Variants in TLN2 observed in about 807,000 individuals in gnomAD.
TLN2 encodes talin 2.
TLN2 carries 118 observed loss-of-function variants against 294.7 expected under a neutral mutation model. The ratio of observed to expected loss-of-function variants is 0.40; its 90% confidence interval spans 0.34 to 0.47. The LOEUF (loss-of-function observed/expected upper bound fraction) is 0.47, where lower values mean the gene tolerates loss of function less well. Among genes scored for constraint, TLN2 ranks in the 20% least tolerant of loss-of-function variants. The pLI is 0.84. For missense variants in TLN2, 3,083 were observed against 3,282.2 expected (o/e 0.94, Z 1.48); for synonymous variants, 1,431 against 1,304.5 (o/e 1.10, Z -2.09).
At chr15:62,714,131 C>T (rs187967046) in intron 22 of TLN2, among the ~76,000 whole-genome samples, 1 of 149,618 alleles carries the variant, frequency 6.7e-6, no homozygotes, top group East Asian at 2.0e-4. Context: ...AAAATTAAAA[C>T]TCATAAAAGA....
chr15:62,539,043 T>A (rs1237507886), intron 1 of TLN2, among the ~76,000 whole-genome samples: 1 of 152,104 alleles, frequency 6.6e-6, no homozygotes, highest in Non-Finnish European at 1.5e-5. Context: ...AGAATACCCA[T>A]GGAGTCTAAA....
chr15:62,575,485 C>T (rs1310661451), intron 1 of TLN2, among the ~76,000 whole-genome samples: 1 of 152,190 alleles, frequency 6.6e-6, no homozygotes, highest in Non-Finnish European at 1.5e-5. Context: ...TGTTTACTCT[C>T]AATTTCTGTA....
At chr15:62,721,303 A>G (rs1173317198) in intron 25 of TLN2, among the ~76,000 whole-genome samples, 1 of 152,332 alleles carries the variant, frequency 6.6e-6, no homozygotes, top group African/African-American at 2.4e-5. Flanking sequence ...GCTTTTAAAT[A>G]TATCTTTTAT....
At chr15:62,620,987 C>T (rs1197219778) in intron 3 of TLN2, among the ~76,000 whole-genome samples, 6 of 151,664 alleles carry the variant, frequency 4.0e-5, no homozygotes, top group East Asian at 3.9e-4. Flanking sequence ...TGCAGGCGCC[C>T]GCCACCACGC....
intron 1 of TLN2, among the ~76,000 whole-genome samples, chr15:62,393,557 A>G (rs535426471): frequency 6.6e-6 from 1 of 152,300 alleles, no homozygotes; most frequent in East Asian, 1.9e-4. Flanking sequence ...TTAGTTCTCT[A>G]GAGCAGTAAA....
At chr15:62,689,068 CTT>C (rs796645804) in intron 12 of TLN2, among the ~76,000 whole-genome samples, 2,946 of 116,552 alleles carry the variant, frequency 0.025, 77 homozygotes, top group African/African-American at 0.083. Context: ...TTCTCTCTCT[CTT>C]TTTTTTTTTT....
intron 48 of TLN2, among the ~76,000 whole-genome samples, chr15:62,799,206 C>T (rs2065752113): frequency 6.6e-6 from 1 of 152,166 alleles, no homozygotes; most frequent in South Asian, 2.1e-4. Context: ...TCTGCCACTG[C>T]TGGGCTCTGG....
chr15:62,784,205 TG>T, intron 45 of TLN2: 1 of 407,394 alleles, frequency 2.5e-6, no homozygotes, highest in Non-Finnish European at 4.3e-6. Flanking sequence ...TGCCCAAGCT[TG>T]GGACTGCCAT....
intron 1 of TLN2, among the ~76,000 whole-genome samples, chr15:62,464,590 A>G (rs1325466607): frequency 6.6e-6 from 1 of 151,920 alleles, no homozygotes; most frequent in Non-Finnish European, 1.5e-5. Flanking sequence ...AAAAAAGTTA[A>G]TCTGACACCT....
chr15:62,595,586 A>G (rs565222793), intron 2 of TLN2, among the ~76,000 whole-genome samples: 4 of 152,222 alleles, frequency 2.6e-5, no homozygotes, highest in African/African-American at 4.8e-5. Flanking sequence ...CCTTAATCCA[A>G]CATGTCGAAG....
chr15:62,466,208 A>G (rs746594594), intron 1 of TLN2, among the ~76,000 whole-genome samples: 1 of 151,954 alleles, frequency 6.6e-6, no homozygotes, highest in Admixed American at 6.6e-5. Context: ...AAACAGGCCA[A>G]CCTCTCTGTT....
intron 11 of TLN2, among the ~76,000 whole-genome samples, chr15:62,681,142 A>C (rs79367763): frequency 0.014 from 2,061 of 152,266 alleles, 52 homozygotes; most frequent in African/African-American, 0.048. Flanking sequence ...TTTAGCTTTT[A>C]AGGAATCTCT....
intron 43 of TLN2, 50 bp downstream of exon 43, chr15:62,776,960 G>A (rs759427431): frequency 7.3e-7 from 1 of 1,376,058 alleles, no homozygotes; most frequent in African/African-American, 1.5e-5. Context: ...CTCACCCATG[G>A]GCCTCGCGTG....
rs1190301574 is a variant in TLN2, at chr15:62,407,982, G to A, written c.-238+17297G>A. Among the ~76,000 whole-genome samples the A allele has an allele frequency of 3.3e-5, 5 of 152,012 alleles. No homozygotes were observed. In the East Asian group the frequency reaches 5.8e-4, roughly 18 times the overall value. On this transcript the variant is annotated intron_variant, in intron 1 of 58. Transcript: ENST00000636159. ...AAAGAAAAAGGTGCCCACTTGAGTC[G>A]GGGGCATTTCAATCTGTAGAGCCCA...
intron 9 of TLN2, among the ~76,000 whole-genome samples, chr15:62,659,731 G>T: frequency 6.6e-6 from 1 of 152,146 alleles, no homozygotes; most frequent in East Asian, 1.9e-4. Flanking sequence ...AAATAAGGTG[G>T]TTTTGCCTGG....
intron 1 of TLN2, chr15:62,476,203 T>A (rs1463574098): frequency 6.6e-6 from 1 of 152,232 alleles, no homozygotes; most frequent in African/African-American, 2.4e-5. Flanking sequence ...CTGTGTGGCA[T>A]TTTTCCCTCC....
intron 1 of TLN2, among the ~76,000 whole-genome samples, chr15:62,537,624 T>G (rs559814447): frequency 3.2e-4 from 49 of 152,270 alleles, no homozygotes; most frequent in African/African-American, 1.2e-3. Flanking sequence ...CAGCTGAGCT[T>G]TTCTCTTTTC....
chr15:62,650,193 A>C lies in TLN2; in HGVS notation c.234+12A>C. 1.2e-6 allele frequency: 2 copies of C among 1,613,760 alleles called. No homozygotes were observed. Among genetic ancestry groups the C allele is most frequent in the Non-Finnish European group, 1.7e-6 (2 of 1,179,684 alleles). On this transcript the variant is annotated intron_variant, in intron 5 of 58. Coordinates refer to ENST00000636159, the MANE Select transcript of TLN2 (RefSeq NM_015059.3). ...TGTTGCGGAATGGGGTATGCTGCCA[A>C]TCCCAGTGCTGTTTCTTCATCCCTT... is the stretch of plus-strand genomic sequence containing the variant.
chr15:62,773,333 G>A (rs1246283075), intron 42 of TLN2, among the ~76,000 whole-genome samples: 1 of 151,924 alleles, frequency 6.6e-6, no homozygotes, highest in Admixed American at 6.6e-5. Context: ...CTGCTTGAAA[G>A]TGGTGTCTAG....
Sources: allele counts gnomAD v4.1 joint callset (sites outside exome capture counted in the v4.1 genomes callset), GRCh38; gene constraint gnomAD v4.1.1; transcripts MANE v1.5; gene names NCBI Gene and HGNC (gene_info 2026-07-23, HGNC 2026-07-21).